Variants in MICAL3 observed in about 807,000 individuals in gnomAD.
MICAL3 encodes [F-actin]-monooxygenase MICAL3.
In MICAL3, 62 loss-of-function variants were observed where a neutral mutation model predicts 207.4. The observed-to-expected ratio is 0.30, with a 90% CI of 0.24 to 0.37. MICAL3 has a LOEUF of 0.37. Ranked by LOEUF, MICAL3 falls within the 10% of genes least tolerant of loss-of-function variation. The pLI is 1.00. For synonymous variants in MICAL3, 1,077 were observed against 1,069.3 expected (o/e 1.01, Z -0.14); for missense variants, 2,368 against 2,635.6 (o/e 0.90, Z 2.22).
intron 1 of MICAL3, among the ~76,000 whole-genome samples, chr22:17,927,957 A>AAC (rs1932997224): frequency 6.6e-6 from 1 of 152,184 alleles, no homozygotes; most frequent in South Asian, 2.1e-4. Flanking sequence ...CCAGAACCAC[A>AAC]ACACACACTC....
intron 1 of MICAL3, among the ~76,000 whole-genome samples, chr22:17,988,130 C>T (rs1390813295): frequency 6.6e-6 from 1 of 152,174 alleles, no homozygotes; most frequent in Non-Finnish European, 1.5e-5. Flanking sequence ...CATCCGATAT[C>T]TCTTGGGTTT....
chr22:17,788,311 C>T lies in MICAL3; in HGVS notation c.*2421G>A, dbSNP rs1202101335. ...GTCCACCTTCCAGACTGCAGGCTGC[C>T]GTGTGTGCTGTGGAGGATGCCACAG... On this transcript the variant is annotated 3_prime_UTR_variant, in exon 32 of 32. Coordinates refer to ENST00000441493, the MANE Select transcript of MICAL3 (RefSeq NM_015241.3). The T allele has an allele frequency of 1.3e-5, 2 of 152,302 alleles. No individual in the cohort carries two copies. The highest frequency in any genetic ancestry group is 1.9e-4 in the East Asian group (1 of 5,200). 9.4% of individuals were successfully genotyped at this position (152,302 alleles called of 1,614,324 possible).
intron 19 of MICAL3, among the ~76,000 whole-genome samples, chr22:17,851,925 AG>A (rs1925381187): frequency 6.6e-6 from 1 of 152,208 alleles, no homozygotes; most frequent in African/African-American, 2.4e-5. Context: ...TGGCGGGTGA[AG>A]GGCAGAGGAG....
At chr22:17,926,656 C>T (rs1233629406) in intron 1 of MICAL3, among the ~76,000 whole-genome samples, 1 of 152,248 alleles carries the variant, frequency 6.6e-6, no homozygotes, top group African/African-American at 2.4e-5. Context: ...TAAGTCAGAA[C>T]TCCAGGTGTT....
chr22:17,815,847 C>T (rs953327804), intron 27 of MICAL3, among the ~76,000 whole-genome samples: 3 of 152,248 alleles, frequency 2.0e-5, no homozygotes, highest in Admixed American at 1.3e-4. Context: ...CGGGCTCAGG[C>T]GCACCAAGGC....
chr22:17,907,252 G>C (rs551210767), intron 1 of MICAL3, among the ~76,000 whole-genome samples: 1 of 152,278 alleles, frequency 6.6e-6, no homozygotes, highest in African/African-American at 2.4e-5. Context: ...GAGCCTCTGA[G>C]AGGTGACAGC....
intron 21 of MICAL3, among the ~76,000 whole-genome samples, chr22:17,830,693 G>A (rs1173974144): frequency 6.6e-6 from 1 of 152,244 alleles, no homozygotes; most frequent in Non-Finnish European, 1.5e-5. Context: ...CAGACAGGGT[G>A]TGGAGTGCGG....
intron 1 of MICAL3, among the ~76,000 whole-genome samples, chr22:17,931,323 A>C (rs1181253459): frequency 6.6e-6 from 1 of 152,204 alleles, no homozygotes; most frequent in African/African-American, 2.4e-5. Flanking sequence ...AAAGCCCCAC[A>C]AGGGTATCGC....
At chr22:17,885,025 G>C (rs973061131) in intron 16 of MICAL3, among the ~76,000 whole-genome samples, 1 of 152,192 alleles carries the variant, frequency 6.6e-6, no homozygotes, top group East Asian at 1.9e-4. Context: ...TGAGATTTAT[G>C]AGACACTTCC....
intron 1 of MICAL3, among the ~76,000 whole-genome samples, chr22:17,921,906 C>T (rs1213586400): frequency 6.6e-6 from 1 of 152,080 alleles, no homozygotes; most frequent in Non-Finnish European, 1.5e-5. Flanking sequence ...CAATCCAAAC[C>T]CTCAGCAAGG....
At chr22:17,945,119 G>C (rs1048943292) in intron 1 of MICAL3, among the ~76,000 whole-genome samples, 13 of 151,026 alleles carry the variant, frequency 8.6e-5, no homozygotes, top group African/African-American at 3.2e-4. Flanking sequence ...TTAGGGCTGA[G>C]TGCTGTCAAC....
intron 1 of MICAL3, among the ~76,000 whole-genome samples, chr22:17,973,758 G>A (rs572620226): frequency 3.4e-4 from 52 of 152,074 alleles, no homozygotes; most frequent in Middle Eastern, 3.4e-3. Flanking sequence ...GTGAGACGCC[G>A]TCTCTACAAA....
At chr22:18,017,681 G>T (rs1924150577) in intron 1 of MICAL3, among the ~76,000 whole-genome samples, 1 of 151,376 alleles carries the variant, frequency 6.6e-6, no homozygotes, top group Non-Finnish European at 1.5e-5. Flanking sequence ...TGCCTCCCGG[G>T]TTCAAGTGAT....
At chr22:17,893,157 C>T (rs541552243) in intron 11 of MICAL3, among the ~76,000 whole-genome samples, 1 of 152,214 alleles carries the variant, frequency 6.6e-6, no homozygotes, top group South Asian at 2.1e-4. Flanking sequence ...CTGAGGTCTC[C>T]TCCACTGCCT....
At chr22:17,941,176 C>T (rs1933789143) in intron 1 of MICAL3, among the ~76,000 whole-genome samples, 1 of 152,224 alleles carries the variant, frequency 6.6e-6, no homozygotes, top group Non-Finnish European at 1.5e-5. Flanking sequence ...CAAGTCTTCA[C>T]TCAGAACTGC....
At chr22:17,842,303 A>G (rs1488555125) in intron 19 of MICAL3, 2 of 440,556 alleles carry the variant, frequency 4.5e-6, no homozygotes, top group Admixed American at 6.8e-5. Context: ...GTCTCCCCAC[A>G]AGAGTGACTG....
At chr22:17,817,043 G>A (rs558936688) in intron 26 of MICAL3, among the ~76,000 whole-genome samples, 68 of 152,276 alleles carry the variant, frequency 4.5e-4, no homozygotes, top group African/African-American at 1.6e-3. Flanking sequence ...CCCTGTGCAC[G>A]AGTGGGCCCC....
chr22:17,815,884 A>G (rs1920979752), intron 27 of MICAL3, among the ~76,000 whole-genome samples: 1 of 152,244 alleles, frequency 6.6e-6, no homozygotes, highest in African/African-American at 2.4e-5. Context: ...ATTGGACGGC[A>G]GGAGAGGGCA....
chr22:17,788,099 C>T lies in MICAL3; in HGVS notation c.*2633G>A, dbSNP rs958352556. The T allele has an allele frequency of 6.6e-6, 1 of 152,294 alleles. No individual in the cohort carries two copies. Among genetic ancestry groups the T allele is most frequent in the African/African-American group, 2.4e-5 (1 of 41,474 alleles). 9.4% of individuals were successfully genotyped at this position (152,294 alleles called of 1,614,324 possible). Reference sequence around the variant, plus strand: ...GAGAAAACCTGCCTGGAGCTGCGCACATTCTCACAGCTTGAGAACGCTTGA... The same window carrying T: ...GAGAAAACCTGCCTGGAGCTGCGCATATTCTCACAGCTTGAGAACGCTTGA... On this transcript the variant is annotated 3_prime_UTR_variant, in exon 32 of 32. Transcript: ENST00000441493.
Sources: gnomAD v4.1 joint callset for allele counts (sites outside exome capture counted in the v4.1 genomes callset) on GRCh38, gnomAD v4.1.1 for gene constraint, MANE v1.5 for transcripts, NCBI Gene and HGNC (gene_info 2026-07-23, HGNC 2026-07-21) for gene names.